CENPS: variants seen among roughly 807,000 people sequenced by gnomAD.
The protein encoded by CENPS is FANCM associated histone fold protein 1.
In CENPS, 16 loss-of-function variants were observed where a neutral mutation model predicts 17.9. The ratio of observed to expected loss-of-function variants is 0.90; its 90% CI spans 0.61 to 1.36. The LOEUF is 1.36. Ranked by LOEUF, CENPS falls within the 40% of genes most tolerant of loss-of-function variation. The pLI is 0.00. For synonymous variants in CENPS, 49 were observed against 55.8 expected, an observed-to-expected ratio of 0.88 and a Z score of 0.54; for missense variants, 160 against 158.6, an observed-to-expected ratio of 1.01 and a Z score of -0.05.
intron 3 of CENPS, among the ~76,000 whole-genome samples, chr1:10,438,156 G>GT (rs536665298): frequency 1.3e-5 from 2 of 151,528 alleles, no homozygotes. Flanking sequence ...TGTTTTGTTT[G>GT]TTTTTTGAGA....
intron 2 of CENPS, 79 bp downstream of exon 2, chr1:10,434,044 G>C (rs981935090): frequency 1.3e-6 from 2 of 1,590,812 alleles, no homozygotes; most frequent in Non-Finnish European, 1.7e-6. Flanking sequence ...GTGGGTGGGA[G>C]CTGTGGCGAG....
intron 4 of CENPS, among the ~76,000 whole-genome samples, chr1:10,441,274 G>C (rs1640395545): frequency 6.9e-6 from 1 of 144,104 alleles, no homozygotes; most frequent in African/African-American, 2.6e-5. Context: ...CTCCCGCCTT[G>C]GTTTCCCTAT....
intron 1 of CENPS, among the ~76,000 whole-genome samples, chr1:10,433,092 C>G (rs535693636): frequency 1.3e-5 from 2 of 152,286 alleles, no homozygotes; most frequent in South Asian, 4.1e-4. Context: ...ACGTGCAGCT[C>G]AGCTGTGTCT....
chr1:10,433,807 C>T, intron 1 of CENPS, 35 bp from the exon 2 acceptor site: 2 of 1,613,342 alleles, frequency 1.2e-6, no homozygotes, highest in African/African-American at 2.7e-5. Context: ...TTATTTGCAG[C>T]CTTACCCGTG....
chr1:10,438,566 G>A (rs1030777845), intron 3 of CENPS, among the ~76,000 whole-genome samples: 15 of 152,298 alleles, frequency 9.8e-5, no homozygotes, highest in East Asian at 9.6e-4. Flanking sequence ...TTTGGGAATC[G>A]TCTTTAAAGC....
chr1:10,435,716 T>A (rs375902788), intron 3 of CENPS, among the ~76,000 whole-genome samples: 1 of 142,668 alleles, frequency 7.0e-6, no homozygotes, highest in South Asian at 2.2e-4. Context: ...TATATATATA[T>A]ACACACACAC....
In CENPS at chr1:10,442,362, C is replaced by T; in HGVS notation, c.374C>T (p.Ser125Leu). The T allele has an allele frequency of 6.2e-7, 1 of 1,605,946 alleles. No individual in the cohort carries two copies. The highest frequency in any genetic ancestry group is 8.5e-7 in the Non-Finnish European group (1 of 1,177,940). ...AAGTCAGAGGATGGAAGCAAAAATT[C>T]AAGGCAGCCAGCAGAGGCTGGAGTG... ...KKKSEDGSKNSRQPAEAGVVE... is the reference protein window; with the variant it reads ...KKKSEDGSKNLRQPAEAGVVE... Residue 125 changes from serine to leucine, a missense_variant, in exon 5 of 5, where the codon TCA becomes TTA. Ser to Leu is a moderately radical substitution (Grantham distance 145). Coordinates refer to ENST00000309048, the MANE Select transcript of CENPS (RefSeq NM_199294.3).
chr1:10,434,312 T>G (rs1031735956), intron 2 of CENPS, among the ~76,000 whole-genome samples: 1 of 152,194 alleles, frequency 6.6e-6, no homozygotes, highest in Admixed American at 6.6e-5. Context: ...CTTGTAGCAT[T>G]GGTATTTGCT....
At chr1:10,436,226 C>T (rs1640151769) in intron 3 of CENPS, among the ~76,000 whole-genome samples, 1 of 151,502 alleles carries the variant, frequency 6.6e-6, no homozygotes. Context: ...GATTTGCCTG[C>T]CTCAGTCTCC....
rs114564128 is a variant in CENPS, at chr1:10,434,564, T to C, written c.176-93T>C. 4.5e-4 allele frequency: 708 copies of C among 1,565,338 alleles called. 7 individuals carry two copies. The African/African-American group carries it at 8.1e-3, about 18-fold the overall frequency. On this transcript the variant is annotated intron_variant, in intron 2 of 4. Coordinates refer to ENST00000309048, the MANE Select transcript of CENPS (RefSeq NM_199294.3). ...GGGTTTGTTATATTAGTCAAGTCAC[T>C]GTACTGGCTGTAGAAATCAAGGCTT...
At chr1:10,434,772 G>C in intron 3 of CENPS, 82 bp downstream of exon 3, 4 of 1,485,472 alleles carry the variant, frequency 2.7e-6, no homozygotes, top group Non-Finnish European at 3.6e-6. Context: ...TTTCAGGAGA[G>C]CTTTAGCTAT....
At chr1:10,433,012 C>T (rs1263403626) in intron 1 of CENPS, among the ~76,000 whole-genome samples, 1 of 152,148 alleles carries the variant, frequency 6.6e-6, no homozygotes, top group African/African-American at 2.4e-5. Flanking sequence ...TTTGGCAGTT[C>T]CTCCTCCTCT....
At chr1:10,440,649 T>G (rs1640367608) in intron 4 of CENPS, among the ~76,000 whole-genome samples, 1 of 152,236 alleles carries the variant, frequency 6.6e-6, no homozygotes, top group East Asian at 1.9e-4. Flanking sequence ...TGCCTGTTTT[T>G]GTAATACCTC....
chr1:10,431,242 AGACCCGGAGTGGC>A, intron 1 of CENPS: 1 of 1,533,352 alleles, frequency 6.5e-7, no homozygotes, highest in Non-Finnish European at 8.7e-7. Flanking sequence ...CTTAAAAGCA[AGACCCGGAGTGGC>A]GACCTTAAAG....
intron 4 of CENPS, 87 bp downstream of exon 4, chr1:10,440,500 C>A: frequency 6.5e-7 from 1 of 1,537,736 alleles, no homozygotes. Flanking sequence ...AAGTTATTCC[C>A]CAGGGCACCT....
At chr1:10,436,850 C>A (rs960839577) in intron 3 of CENPS, among the ~76,000 whole-genome samples, 6 of 152,166 alleles carry the variant, frequency 3.9e-5, no homozygotes, top group African/African-American at 9.7e-5. Context: ...CTCTTCTTAG[C>A]ACAACCCACA....
intron 1 of CENPS, chr1:10,431,045 A>G (rs1006461558): frequency 3.7e-6 from 5 of 1,350,758 alleles, no homozygotes; most frequent in Non-Finnish European, 4.8e-6. Flanking sequence ...TCGTCCTTAG[A>G]TGTGGGTTCG....
intron 3 of CENPS, among the ~76,000 whole-genome samples, chr1:10,434,955 C>T (rs560763715): frequency 8.7e-4 from 132 of 152,234 alleles, no homozygotes; most frequent in Non-Finnish European, 1.6e-3. Context: ...GGTGTGAATA[C>T]CATCTCCAGG....
At chr1:10,436,708 T>TAA (rs550913401) in intron 3 of CENPS, among the ~76,000 whole-genome samples, 38,537 of 124,534 alleles carry the variant, frequency 0.31, 7,072 homozygotes, top group South Asian at 0.41. Flanking sequence ...TCTGTCTCTT[T>TAA]AAAAAAAAAA....
Sources: allele counts gnomAD v4.1 joint callset (sites outside exome capture counted in the v4.1 genomes callset), GRCh38; gene constraint gnomAD v4.1.1; transcripts MANE v1.5; gene names NCBI Gene and HGNC (gene_info 2026-07-23, HGNC 2026-07-21).